SPRED2: variants seen among roughly 807,000 people sequenced by gnomAD.
SPRED2 encodes sprouty related EVH1 domain containing 2, also known as sprouty-related, EVH1 domain-containing protein 2.
Under a neutral mutation model 43.0 loss-of-function variants are expected in SPRED2, and 47 were observed. That is an observed-to-expected ratio of 1.09 (90% CI 0.87 to 1.40). The LOEUF (loss-of-function observed/expected upper bound fraction) is 1.40, where lower values mean the gene tolerates loss of function less well. Among genes scored for constraint, SPRED2 ranks in the 40% most tolerant of loss-of-function variants. The pLI is 0.00. For missense variants in SPRED2, 561 were observed against 586.4 expected (o/e 0.96, Z 0.45); for synonymous variants, 225 against 225.7 (o/e 1.00, Z 0.03).
At chr2:65,416,745 T>G (rs925500786) in intron 1 of SPRED2, among the ~76,000 whole-genome samples, 3 of 152,146 alleles carry the variant, frequency 2.0e-5, no homozygotes, top group Non-Finnish European at 2.9e-5. Context: ...CAAAGCTGGG[T>G]GGGACCTCCT....
chr2:65,350,961 T>C (rs879662152), intron 1 of SPRED2, among the ~76,000 whole-genome samples: 3 of 152,084 alleles, frequency 2.0e-5, no homozygotes, highest in Admixed American at 6.5e-5. Flanking sequence ...CTTTGCAAAA[T>C]GAATAGGGGA....
intron 1 of SPRED2, among the ~76,000 whole-genome samples, chr2:65,351,318 C>T (rs1674505183): frequency 1.3e-5 from 2 of 152,168 alleles, no homozygotes; most frequent in Non-Finnish European, 2.9e-5. Flanking sequence ...GTGAACTGGC[C>T]CTCTGCTCCT....
intron 1 of SPRED2, among the ~76,000 whole-genome samples, chr2:65,349,657 C>T (rs1229967743): frequency 6.6e-6 from 1 of 152,234 alleles, no homozygotes; most frequent in East Asian, 1.9e-4. Context: ...GAGAAGTTTG[C>T]ATTACTTATG....
At chr2:65,348,755 T>A (rs1674423205) in intron 1 of SPRED2, among the ~76,000 whole-genome samples, 1 of 149,678 alleles carries the variant, frequency 6.7e-6, no homozygotes, top group Non-Finnish European at 1.5e-5. Context: ...ATCGCGCCAC[T>A]GCACTCCACC....
At chr2:65,411,444 C>A (rs1676157343) in intron 1 of SPRED2, among the ~76,000 whole-genome samples, 1 of 152,184 alleles carries the variant, frequency 6.6e-6, no homozygotes, top group South Asian at 2.1e-4. Context: ...CACATGATGA[C>A]ATGACAAATG....
intron 1 of SPRED2, among the ~76,000 whole-genome samples, chr2:65,372,754 T>A (rs1229784405): frequency 6.6e-6 from 1 of 152,210 alleles, no homozygotes; most frequent in African/African-American, 2.4e-5. Context: ...TAAAGTTGAA[T>A]GACCTATTCC....
At chr2:65,351,249 C>A (rs940827742) in intron 1 of SPRED2, among the ~76,000 whole-genome samples, 1 of 152,082 alleles carries the variant, frequency 6.6e-6, no homozygotes, top group African/African-American at 2.4e-5. Context: ...TTATAAAGAC[C>A]AGGTTTAGTC....
chr2:65,322,107 T>C (rs1458650608), intron 4 of SPRED2, among the ~76,000 whole-genome samples: 1 of 151,772 alleles, frequency 6.6e-6, no homozygotes, highest in Non-Finnish European at 1.5e-5. Context: ...TGACTGCTGG[T>C]ATATGAAAGT....
downstream of SPRED2, among the ~76,000 whole-genome samples, chr2:65,307,549 C>CAAA (rs55812957): frequency 3.8e-5 from 4 of 104,118 alleles, no homozygotes; most frequent in Admixed American, 1.0e-4. Flanking sequence ...AACCCCTTCT[C>CAAA]AAAAAAAAAA....
At position 65,311,441 on chromosome 2, in the gene SPRED2, C is replaced by T; in HGVS notation, c.*2060G>A. ...AATAGAGGTGACAAACAAAAAACAG[C>T]TGGGATATGTGCGTTCTTATTGAAA... On this transcript the variant is annotated 3_prime_UTR_variant, in exon 6 of 6. Transcript: ENST00000356388. 1.0e-6 allele frequency: 1 copy of T among 985,854 alleles called. No individual in the cohort carries two copies. Among genetic ancestry groups the T allele is most frequent in the Non-Finnish European group, 1.2e-6 (1 of 829,930 alleles). 61.1% of individuals were successfully genotyped at this position (985,854 alleles called of 1,614,324 possible). A position where few individuals can be genotyped will look rare whatever the true frequency, so the allele number is the denominator to read the frequency against.
chr2:65,333,588 T>C (rs902425565), intron 3 of SPRED2, among the ~76,000 whole-genome samples: 6 of 152,214 alleles, frequency 3.9e-5, no homozygotes, highest in African/African-American at 1.2e-4. Context: ...ATCAATAATA[T>C]AGGAGCTGTT....
intron 2 of SPRED2, among the ~76,000 whole-genome samples, chr2:65,341,681 A>G (rs1437378209): frequency 6.6e-6 from 1 of 152,174 alleles, no homozygotes; most frequent in Admixed American, 6.5e-5. Flanking sequence ...GAGGTTATTT[A>G]CTTAAAGGAC....
intron 1 of SPRED2, among the ~76,000 whole-genome samples, chr2:65,402,303 A>AAC (rs1675923677): frequency 3.7e-5 from 5 of 135,566 alleles, no homozygotes; most frequent in Admixed American, 1.6e-4. Flanking sequence ...AAAAAAAAAA[A>AAC]AACCAAAAAC....
intron 4 of SPRED2, among the ~76,000 whole-genome samples, chr2:65,322,651 C>A (rs1390681781): frequency 6.6e-6 from 1 of 152,096 alleles, no homozygotes; most frequent in Non-Finnish European, 1.5e-5. Context: ...GCCAGGGCTT[C>A]CAACATGACA....
intron 1 of SPRED2, among the ~76,000 whole-genome samples, chr2:65,360,983 T>A (rs551935904): frequency 6.6e-6 from 1 of 152,208 alleles, no homozygotes; most frequent in Non-Finnish European, 1.5e-5. Flanking sequence ...AGCAGGAGGA[T>A]TGCTTAAGCC....
downstream of SPRED2, chr2:65,308,411 A>G (rs1672985404): frequency 1.0e-6 from 1 of 985,496 alleles, no homozygotes; most frequent in Non-Finnish European, 1.2e-6. Context: ...TGGAGGGGTC[A>G]GCAAGAAACT....
In SPRED2 at chr2:65,313,779, G is replaced by A; in HGVS notation, c.979C>T (p.Gln327Ter). ...GTTCTCACGGAGTCGGGCGCGTCCT[G>A]GCAGTGGCCCCGGCGGTTCTCCTCG... ...NHEENRRGHCQDAPDSVRTCI... is the reference protein window; with the variant it reads ...NHEENRRGHC The change falls in exon 6 of 6, where the codon CAG becomes TAG. Residue 327 changes from glutamine (Q) to a stop codon, truncating the protein, a stop_gained. Coordinates refer to ENST00000356388, the MANE Select transcript of SPRED2 (RefSeq NM_181784.3). LOFTEE classifies it high-confidence loss of function. The A allele has an allele frequency of 1.2e-6, 2 of 1,614,162 alleles. No individual in the cohort carries two copies. The highest frequency in any genetic ancestry group is 1.7e-6 in the Non-Finnish European group (2 of 1,180,026).
At chr2:65,411,852 G>T (rs982646753) in intron 1 of SPRED2, among the ~76,000 whole-genome samples, 10 of 152,146 alleles carry the variant, frequency 6.6e-5, no homozygotes, top group African/African-American at 2.4e-4. Flanking sequence ...AGCAAGACCA[G>T]GCGCGGTGGC....
chr2:65,335,074 T>C (rs1673924337), intron 2 of SPRED2, among the ~76,000 whole-genome samples: 1 of 152,220 alleles, frequency 6.6e-6, no homozygotes, highest in South Asian at 2.1e-4. Context: ...GGGTCTTGGC[T>C]GTATTTCAGA....
Sources: allele counts gnomAD v4.1 joint callset (sites outside exome capture counted in the v4.1 genomes callset), GRCh38; gene constraint gnomAD v4.1.1; transcripts MANE v1.5; gene names NCBI Gene and HGNC (gene_info 2026-07-23, HGNC 2026-07-21).